Variants in POLM observed in about 807,000 individuals in gnomAD.
POLM encodes DNA-directed DNA/RNA polymerase mu.
Under a neutral mutation model 56.7 loss-of-function variants are expected in POLM, and 52 were observed. That is an observed-to-expected ratio of 0.92 (90% CI 0.73 to 1.15). The LOEUF (loss-of-function observed/expected upper bound fraction) is 1.15, where lower values mean the gene tolerates loss of function less well. Among genes scored for constraint, POLM ranks in the 50% most tolerant of loss-of-function variants. POLM has a pLI of 0.00. For synonymous variants in POLM, 273 were observed against 274.3 expected, an observed-to-expected ratio of 1.00 and a Z score of 0.05; for missense variants, 660 against 663.6, an observed-to-expected ratio of 0.99 and a Z score of 0.06.
At position 44,080,826 on chromosome 7, in the gene POLM, A is replaced by C. The variant is rs2096197666; in HGVS notation, c.279T>G (p.Gly93=). The change falls in exon 2 of 11, where the codon GGT becomes GGG. Residue 93 remains glycine (G), a synonymous_variant. Coordinates refer to ENST00000242248, the MANE Select transcript of POLM (RefSeq NM_013284.4). ...TGTCCAGCAGAGCTGGGGGGGTGCA[A>C]CCCGGGGGAGCAGCTGCCATCCTGC... is the stretch of plus-strand genomic sequence containing the variant. ...QERRMAAAPP[G]CTPPALLDIS... 2.5e-6 allele frequency: 4 copies of C among 1,613,000 alleles called. No homozygotes were observed. The highest frequency in any genetic ancestry group is 3.4e-6 in the Non-Finnish European group (4 of 1,179,460).
intron 6 of POLM, among the ~76,000 whole-genome samples, 191 bp from the exon 7 acceptor site, chr7:44,074,721 C>T (rs1056785308): frequency 3.9e-5 from 6 of 152,244 alleles, no homozygotes; most frequent in African/African-American, 1.2e-4. Context: ...CTTCTCTCCC[C>T]CTTTAAATTT....
At chr7:44,074,100 G>T in intron 8 of POLM, 31 bp downstream of exon 8, 1 of 1,606,380 alleles carries the variant, frequency 6.2e-7, no homozygotes. Context: ...ATTGGCCAGC[G>T]GTGGCTCTTG....
rs1439695290 is a variant in POLM at position 44,074,316 on chromosome 7, C to G, written c.968+82G>C. Reference sequence around the variant, plus strand: ...GCCACATCCCTTCCAACGAGTGGGCCCGCTTCAGGGTCCCCGACTCAGGTC... The same window carrying G: ...GCCACATCCCTTCCAACGAGTGGGCGCGCTTCAGGGTCCCCGACTCAGGTC... On this transcript the variant is annotated intron_variant, in intron 7 of 10. Transcript: ENST00000242248. The G allele has an allele frequency of 2.6e-6, 4 of 1,543,318 alleles. No individual in the cohort carries two copies. The East Asian group carries it at 9.8e-5, about 38-fold the overall frequency.
At chr7:44,078,954 G>C in intron 4 of POLM, 143 bp from the exon 5 acceptor site, 1 of 634,178 alleles carries the variant, frequency 1.6e-6, no homozygotes, top group Non-Finnish European at 2.7e-6. Flanking sequence ...TGAGGTCAGG[G>C]TCCAGTAGGA....
chr7:44,073,063 C>T lies in POLM; in HGVS notation c.*228G>A. ...GGGAGGCTAAGAGCAGACCCAGGGT[C>T]ACACAGTGATGAGGCTGGCACTGAG... On this transcript the variant is annotated 3_prime_UTR_variant, in exon 11 of 11. Transcript: ENST00000242248. 1 of 1,435,412 alleles carries T rather than the reference C, an allele frequency of 7.0e-7. No individual in the cohort carries two copies. The highest frequency in any genetic ancestry group is 9.1e-7 in the Non-Finnish European group (1 of 1,096,244). 88.9% of individuals were successfully genotyped at this position (1,435,412 alleles called of 1,614,324 possible). A position where few individuals can be genotyped will look rare whatever the true frequency, so the allele number is the denominator to read the frequency against.
At chr7:44,078,710 T>C (rs975230861) in intron 5 of POLM, 30 bp downstream of exon 5, 4 of 1,597,122 alleles carry the variant, frequency 2.5e-6, no homozygotes, top group Non-Finnish European at 8.6e-7. Flanking sequence ...AGGACATTCC[T>C]GGGGTAGGTC....
In POLM at chr7:44,080,834, G is replaced by C. The variant is rs1554319741; in HGVS notation, c.271C>G (p.Pro91Ala). 6.2e-7 allele frequency: 1 copy of C among 1,612,602 alleles called. No individual in the cohort carries two copies. The highest frequency in any genetic ancestry group is 1.3e-5 in the African/African-American group (1 of 74,892). The change falls in exon 2 of 11, where the codon CCC (proline) becomes GCC (alanine). Residue 91 changes from proline to alanine, a missense_variant. Coordinates refer to ENST00000242248, the MANE Select transcript of POLM (RefSeq NM_013284.4). Reference sequence around the variant, plus strand: ...AGAGCTGGGGGGGTGCAACCCGGGGGAGCAGCTGCCATCCTGCGCTCCTGC... The same window carrying C: ...AGAGCTGGGGGGGTGCAACCCGGGGCAGCAGCTGCCATCCTGCGCTCCTGC... ...SWQERRMAAAPPGCTPPALLD... is the reference protein window; with the variant it reads ...SWQERRMAAAAPGCTPPALLD...
At position 44,072,112 on chromosome 7, in the gene POLM, A is replaced by C. The variant is rs983595377; in HGVS notation, c.*1179T>G. The C allele has an allele frequency of 6.6e-6, 1 of 152,246 alleles. No homozygotes were observed. Among genetic ancestry groups the C allele is most frequent in the African/African-American group, 2.4e-5 (1 of 41,456 alleles). The allele number at this position is 152,246 out of a possible 1,614,324, so 9.4% of individuals were successfully genotyped here. A position where few individuals can be genotyped will look rare whatever the true frequency, so the allele number is the denominator to read the frequency against. On this transcript the variant is annotated 3_prime_UTR_variant, in exon 11 of 11. Coordinates refer to ENST00000242248, the MANE Select transcript of POLM (RefSeq NM_013284.4). ...TTTACATGACATTCTAGAGAAAGCAAAACTATAGGGATGTAGCACCGCTAA... is the reference window on the plus strand; with the variant it reads ...TTTACATGACATTCTAGAGAAAGCACAACTATAGGGATGTAGCACCGCTAA...
At position 44,080,364 on chromosome 7, in the gene POLM, C is replaced by T. The variant is rs1029154667; in HGVS notation, c.372+369G>A. 18 of 546,382 alleles carry T rather than the reference C, an allele frequency of 3.3e-5. 1 individual carries two copies. The highest frequency in any genetic ancestry group is 2.6e-4 in the South Asian group (17 of 65,376). The allele number at this position is 546,382 out of a possible 1,614,324, so 33.8% of individuals were successfully genotyped here. A position where few individuals can be genotyped will look rare whatever the true frequency, so the allele number is the denominator to read the frequency against. On this transcript the variant is annotated intron_variant, in intron 2 of 10. Coordinates refer to ENST00000242248, the MANE Select transcript of POLM (RefSeq NM_013284.4). Reference sequence around the variant, plus strand: ...CAGGCAACCTGGCCCCAAGCCCACACCTGTCAGAGGCCGGGAGCCTTATAG... The same window carrying T: ...CAGGCAACCTGGCCCCAAGCCCACATCTGTCAGAGGCCGGGAGCCTTATAG...
rs202001807 is a variant in POLM at position 44,079,690 on chromosome 7, G to C, written c.523C>G (p.Arg175Gly). The C allele has an allele frequency of 6.2e-7, 1 of 1,612,744 alleles. No individual in the cohort carries two copies. The highest frequency in any genetic ancestry group is 8.5e-7 in the Non-Finnish European group (1 of 1,179,424). ...EAAGFEGSEG[R>G]LLTFCRAASV... ...GCTGCTCTGCAGAAGGTGAGGAGGC[G>C]GCCCTCACTGCCTTCAAAGCCTGCT... Residue 175 changes from arginine to glycine, a missense_variant, in exon 4 of 11, where the codon CGC becomes GGC. Physicochemically the swap from Arg to Gly is moderately radical, Grantham distance 125. Coordinates refer to ENST00000242248, the MANE Select transcript of POLM (RefSeq NM_013284.4).
At chr7:44,074,103 G>A in intron 8 of POLM, 28 bp downstream of exon 8, 2 of 1,606,648 alleles carry the variant, frequency 1.2e-6, no homozygotes, top group Non-Finnish European at 1.7e-6. Context: ...GGCCAGCGGT[G>A]GCTCTTGGGG....
chr7:44,081,559 T>C (rs1230587784), intron 1 of POLM, among the ~76,000 whole-genome samples: 1 of 152,154 alleles, frequency 6.6e-6, no homozygotes, highest in East Asian at 1.9e-4. Flanking sequence ...GCTCCCTTAC[T>C]CTGGGTGTTG....
At chr7:44,077,179 C>G (rs976907049) in intron 5 of POLM, among the ~76,000 whole-genome samples, 1 of 152,240 alleles carries the variant, frequency 6.6e-6, no homozygotes, top group African/African-American at 2.4e-5. Flanking sequence ...AATTCTGGAT[C>G]TGAGACTGAG....
In POLM at chr7:44,073,891, C is replaced by A; in HGVS notation, c.1206G>T (p.Val402=). ...ATGGGCAGGGCCTCGTGGATCCCCC[C>A]ACAGCAGCCCCTGGAGGTTGTGGTA... is the stretch of plus-strand genomic sequence containing the variant. The part of the protein sequence containing the change: ...FRLPQPPGAA[V]GGSTRPCPSW... The change falls in exon 9 of 11, where the codon GTG becomes GTT. Residue 402 remains valine (V), a synonymous_variant. Coordinates refer to ENST00000242248, the MANE Select transcript of POLM (RefSeq NM_013284.4). 5.6e-6 allele frequency: 9 copies of A among 1,614,264 alleles called. No individual in the cohort carries two copies. Among genetic ancestry groups the A allele is most frequent in the Non-Finnish European group, 6.8e-6 (8 of 1,180,046 alleles).
chr7:44,079,536 C>A, intron 4 of POLM, 35 bp downstream of exon 4: 1 of 1,432,118 alleles, frequency 7.0e-7, no homozygotes, highest in South Asian at 1.1e-5. Flanking sequence ...CCTCCCCACC[C>A]ACCCACTCAC....
rs976622409 is a variant in POLM at position 44,079,639 on chromosome 7, G to T, written c.574C>A (p.Pro192Thr). 6.2e-7 allele frequency: 1 copy of T among 1,613,882 alleles called. No homozygotes were observed. The highest frequency in any genetic ancestry group is 1.7e-5 in the Admixed American group (1 of 60,014). The part of the protein sequence containing the change: ...AASVLKALPS[P>T]VTTLSQLQGL... ...TGCAGCTGGCTCAGGGTTGTGACAGGGCTGGGAAGGGCCTTGAGCACCGAG... is the reference window on the plus strand; with the variant it reads ...TGCAGCTGGCTCAGGGTTGTGACAGTGCTGGGAAGGGCCTTGAGCACCGAG... Residue 192 changes from proline to threonine, a missense_variant, in exon 4 of 11, where the codon CCT becomes ACT. Coordinates refer to ENST00000242248, the MANE Select transcript of POLM (RefSeq NM_013284.4).
chr7:44,075,474 C>T (rs1177328334), intron 6 of POLM, among the ~76,000 whole-genome samples: 1 of 151,016 alleles, frequency 6.6e-6, no homozygotes, highest in African/African-American at 2.4e-5. Flanking sequence ...ACCAGCTCTG[C>T]GGGTCTCACC....
rs926486662 is a variant in POLM at position 44,073,103 on chromosome 7, C to T, written c.*188G>A. On this transcript the variant is annotated 3_prime_UTR_variant, in exon 11 of 11. Coordinates refer to ENST00000242248, the MANE Select transcript of POLM (RefSeq NM_013284.4). ...CTGGCACTGAGGGCTCCCACCTCAT[C>T]ACACCCTGCAGCACACCAGCAGGGG... The T allele has an allele frequency of 1.4e-6, 2 of 1,467,478 alleles. No individual in the cohort carries two copies. Among genetic ancestry groups the T allele is most frequent in the African/African-American group, 2.8e-5 (2 of 70,740 alleles). The allele number at this position is 1,467,478 out of a possible 1,614,324, so 90.9% of individuals were successfully genotyped here.
chr7:44,079,536 C>CCCCCCCAA, intron 4 of POLM, 35 bp downstream of exon 4: 7 of 1,432,108 alleles, frequency 4.9e-6, no homozygotes, highest in African/African-American at 1.4e-5. Flanking sequence ...CCTCCCCACC[C>CCCCCCCAA]ACCCACTCAC....
Sources: allele counts gnomAD v4.1 joint callset (sites outside exome capture counted in the v4.1 genomes callset), GRCh38; gene constraint gnomAD v4.1.1; transcripts MANE v1.5; gene names NCBI Gene and HGNC (gene_info 2026-07-23, HGNC 2026-07-21).